EVA1C: variants seen among roughly 807,000 people sequenced by gnomAD.
EVA1C encodes protein eva-1 homolog C.
A neutral mutation model predicts 45.4 loss-of-function variants in EVA1C; 25 were observed. The ratio of observed to expected loss-of-function variants is 0.55; its 90% CI spans 0.40 to 0.77. The LOEUF is 0.77. Ranked by LOEUF, EVA1C falls within the 30% of genes least tolerant of loss-of-function variation. The probability of loss-of-function intolerance (pLI) is 0.00; values close to 1 mark genes in which losing one functional copy is unlikely to be tolerated. For missense variants in EVA1C, 479 were observed against 554.8 expected (o/e 0.86, Z 1.37); for synonymous variants, 190 against 221.2 (o/e 0.86, Z 1.25).
In EVA1C at chr21:32,508,736, CAG is replaced by C. The variant is rs75530922; in HGVS notation, c.949+4722_949+4723del. ...CCTCTCAACAGCAATAGGGCCCCAA[CAG>C]GGGGAACGCTCGCCATGGCCTCTGG... On this transcript the variant is annotated intron_variant, in intron 7 of 7. Coordinates refer to ENST00000300255, the MANE Select transcript of EVA1C (RefSeq NM_058187.5). Among the ~76,000 whole-genome samples, 150 of 152,336 alleles carry C rather than the reference CAG, an allele frequency of 9.8e-4. 5 individuals are homozygous for C. In the East Asian group the frequency reaches 0.024, roughly 25 times the overall value.
rs1313248456 is a variant in EVA1C, at chr21:32,497,097, TG to T, written c.778+1930del. 5.5e-6 allele frequency: 5 copies of T among 909,180 alleles called. No individual in the cohort carries two copies. The East Asian group carries it at 1.2e-4, about 22-fold the overall frequency. 56.3% of individuals were successfully genotyped at this position (909,180 alleles called of 1,614,324 possible). A position where few individuals can be genotyped will look rare whatever the true frequency, so the allele number is the denominator to read the frequency against. On this transcript the variant is annotated intron_variant, in intron 5 of 7. Transcript: ENST00000300255. Reference sequence around the variant, plus strand: ...AGGATGGTCTGCTTTTTAAAGTGACTGGGCTTCATTAGAAAGCTGTTAGCTC... The same window carrying T: ...AGGATGGTCTGCTTTTTAAAGTGACTGGCTTCATTAGAAAGCTGTTAGCTC...
intron 1 of EVA1C, among the ~76,000 whole-genome samples, chr21:32,430,689 C>A (rs1256090831): frequency 6.6e-6 from 1 of 151,936 alleles, no homozygotes; most frequent in African/African-American, 2.4e-5. Context: ...ACCATTAGAT[C>A]AGGCAGGGCA....
rs146102305 is a variant in EVA1C at position 32,497,314 on chromosome 21, T to C, written c.778+2144T>C. On this transcript the variant is annotated intron_variant, in intron 5 of 7. Coordinates refer to ENST00000300255, the MANE Select transcript of EVA1C (RefSeq NM_058187.5). The stretch of plus-strand genomic sequence containing the variant: ...TCTCCAGATTGGCAGAAAGTTGATA[T>C]AGGTGGACTTTTTTAATGGGTCCGT... The C allele has an allele frequency of 4.3e-3, 2,801 of 649,362 alleles. 10 individuals are homozygous for C. Among genetic ancestry groups the C allele is most frequent in the Non-Finnish European group, 6.1e-3 (2,244 of 366,660 alleles). 40.2% of individuals were successfully genotyped at this position (649,362 alleles called of 1,614,324 possible).
At chr21:32,413,743 G>T (rs1418559339) in intron 1 of EVA1C, among the ~76,000 whole-genome samples, 1 of 152,226 alleles carries the variant, frequency 6.6e-6, no homozygotes, top group Non-Finnish European at 1.5e-5. Flanking sequence ...TTTCTAGGTT[G>T]ACGATAGCCA....
chr21:32,459,929 T>G (rs1317282431), intron 3 of EVA1C, among the ~76,000 whole-genome samples: 1 of 152,076 alleles, frequency 6.6e-6, no homozygotes, highest in Admixed American at 6.5e-5. Context: ...GGTTGTGATA[T>G]TCTTTCACAT....
At chr21:32,481,525 A>G (rs1387342827) in intron 4 of EVA1C, among the ~76,000 whole-genome samples, 1 of 149,676 alleles carries the variant, frequency 6.7e-6, no homozygotes, top group African/African-American at 2.5e-5. Context: ...AAAAAAAACT[A>G]GAAGAAAAGT....
At chr21:32,486,799 TTA>T (rs1016745631) in intron 4 of EVA1C, among the ~76,000 whole-genome samples, 6 of 152,222 alleles carry the variant, frequency 3.9e-5, no homozygotes, top group African/African-American at 1.4e-4. Flanking sequence ...TTGGATCTAC[TTA>T]TGTTTTTCTC....
At chr21:32,471,821 G>C (rs1215021360) in intron 4 of EVA1C, among the ~76,000 whole-genome samples, 4 of 151,280 alleles carry the variant, frequency 2.6e-5, no homozygotes, top group Non-Finnish European at 5.9e-5. Context: ...GTAGAGACAG[G>C]GTTTCACTAT....
At position 32,474,925 on chromosome 21, in the gene EVA1C, C is replaced by G. The variant is rs1385442349; in HGVS notation, c.634+7077C>G. Among the ~76,000 whole-genome samples the G allele has an allele frequency of 6.6e-6, 1 of 152,250 alleles. No homozygotes were observed. Among genetic ancestry groups the G allele is most frequent in the African/African-American group, 2.4e-5 (1 of 41,470 alleles). On this transcript the variant is annotated intron_variant, in intron 4 of 7. Transcript: ENST00000300255. The surrounding 1 kb of genome is among the most constrained non-coding windows in gnomAD (Gnocchi z 4.4). ...CAGGGCGCACCTGGGCCACAGGCTGCCAGTGCATGTGTGATCTCTGCTCTG... is the reference window on the plus strand; with the variant it reads ...CAGGGCGCACCTGGGCCACAGGCTGGCAGTGCATGTGTGATCTCTGCTCTG...
chr21:32,484,622 AC>A (rs1457707546), intron 4 of EVA1C, among the ~76,000 whole-genome samples: 1 of 151,940 alleles, frequency 6.6e-6, no homozygotes, highest in East Asian at 1.9e-4. Context: ...GGTTCTGTCA[AC>A]CTTTTAAGTT....
intron 7 of EVA1C, among the ~76,000 whole-genome samples, chr21:32,506,241 C>T (rs1409874970): frequency 6.8e-6 from 1 of 147,084 alleles, no homozygotes; most frequent in African/African-American, 2.5e-5. Context: ...TGTGTGGTAT[C>T]CCTGTATCTA....
At chr21:32,453,253 A>C (rs917771646) in intron 1 of EVA1C, 59 bp from the exon 2 acceptor site, 4 of 1,331,110 alleles carry the variant, frequency 3.0e-6, no homozygotes, top group African/African-American at 2.9e-5. Context: ...CCTGTCCCCA[A>C]ACCCATGGAG....
chr21:32,465,277 C>T lies in EVA1C; in HGVS notation c.482-2419C>T, dbSNP rs187183313. 1.2e-4 allele frequency among the ~76,000 whole-genome samples: 18 copies of T among 152,238 alleles called. No individual in the cohort carries two copies. In the East Asian group the frequency reaches 3.5e-3, roughly 29 times the overall value. ...CTGGAATCAGCCTGCACTTCCAATCCAGGAAAGAAAAGTGGAAGAACATGA... is the reference window on the plus strand; with the variant it reads ...CTGGAATCAGCCTGCACTTCCAATCTAGGAAAGAAAAGTGGAAGAACATGA... On this transcript the variant is annotated intron_variant, in intron 3 of 7. Coordinates refer to ENST00000300255, the MANE Select transcript of EVA1C (RefSeq NM_058187.5).
At chr21:32,463,839 C>G (rs1324056223) in intron 3 of EVA1C, among the ~76,000 whole-genome samples, 1 of 151,956 alleles carries the variant, frequency 6.6e-6, no homozygotes, top group Non-Finnish European at 1.5e-5. Flanking sequence ...GGAGATAAAG[C>G]TTGTTTTTGT....
chr21:32,457,822 A>C, intron 3 of EVA1C, 102 bp downstream of exon 3: 1 of 1,380,280 alleles, frequency 7.2e-7, no homozygotes, highest in Non-Finnish European at 1.0e-6. Flanking sequence ...TCCAACTTTG[A>C]AACTCATTAA....
intron 5 of EVA1C, among the ~76,000 whole-genome samples, chr21:32,500,803 A>T (rs1221622262): frequency 3.3e-5 from 5 of 149,986 alleles, no homozygotes; most frequent in Non-Finnish European, 7.4e-5. Context: ...AGCATGTATC[A>T]TATCGGTACT....
At chr21:32,440,720 G>A (rs181655585) in intron 1 of EVA1C, among the ~76,000 whole-genome samples, 20 of 152,300 alleles carry the variant, frequency 1.3e-4, no homozygotes, top group African/African-American at 4.6e-4. Flanking sequence ...GGTTGCTGAT[G>A]AGGATTAATT....
chr21:32,423,597 C>G (rs2034374420), intron 1 of EVA1C, among the ~76,000 whole-genome samples: 1 of 151,898 alleles, frequency 6.6e-6, no homozygotes, highest in Non-Finnish European at 1.5e-5. Flanking sequence ...GTTCACAGAC[C>G]TACTAGATGA....
At chr21:32,447,049 C>T (rs2035388861) in intron 1 of EVA1C, among the ~76,000 whole-genome samples, 2 of 152,146 alleles carry the variant, frequency 1.3e-5, no homozygotes, top group Admixed American at 6.5e-5. Context: ...CATTTTGAGC[C>T]GTCTCTTGAC....
Sources: gnomAD v4.1 joint callset for allele counts (sites outside exome capture counted in the v4.1 genomes callset) on GRCh38, gnomAD v4.1.1 for gene constraint, Gnocchi (gnomAD v3.1) non-coding constraint, MANE v1.5 for transcripts, NCBI Gene and HGNC (gene_info 2026-07-23, HGNC 2026-07-21) for gene names.